The following ANO3 variants were observed in gnomAD, a reference collection of about 807,000 sequenced individuals.
The protein encoded by ANO3 is anoctamin 3.
A neutral mutation model predicts 144.8 loss-of-function variants in ANO3; 99 were observed. That is an observed-to-expected ratio of 0.68 (90% CI 0.58 to 0.81). The LOEUF (loss-of-function observed/expected upper bound fraction) is 0.81. ANO3 is among the 30% of genes least tolerant of loss of function. The pLI, the probability that ANO3 is intolerant of heterozygous loss-of-function variation, is 0.00. For synonymous variants in ANO3, 414 were observed against 392.6 expected (o/e 1.05, Z -0.64); for missense variants, 905 against 1,202.2 (o/e 0.75, Z 3.66).
At chr11:26,417,616 C>T (rs1284236206) in intron 1 of ANO3, among the ~76,000 whole-genome samples, 19 of 151,912 alleles carry the variant, frequency 1.3e-4, no homozygotes, top group Admixed American at 9.9e-4. Flanking sequence ...CTGTAGGTTA[C>T]TGGTTAGCTA....
chr11:26,281,484 T>C (rs544176868), intron 1 of ANO3, among the ~76,000 whole-genome samples: 2 of 152,150 alleles, frequency 1.3e-5, no homozygotes, highest in Non-Finnish European at 2.9e-5. Flanking sequence ...CTCAGATGAC[T>C]TGAGGGAGAG....
intron 13 of ANO3, among the ~76,000 whole-genome samples, chr11:26,556,275 T>C (rs899559848): frequency 6.6e-6 from 1 of 152,154 alleles, no homozygotes; most frequent in Non-Finnish European, 1.5e-5. Context: ...AGGTCCTAAA[T>C]TGTTTTTCAT....
Position 26,525,580 on chromosome 11 carries a change from C to T in ANO3, c.693-55C>T, listed in dbSNP as rs374952377. 100 of 1,397,242 alleles carry T rather than the reference C, an allele frequency of 7.2e-5. No individual in the cohort carries two copies. The African/African-American group carries it at 1.2e-3, about 17-fold the overall frequency. The allele number at this position is 1,397,242 out of a possible 1,614,324, so 86.6% of individuals were successfully genotyped here. A position where few individuals can be genotyped will look rare whatever the true frequency, so the allele number is the denominator to read the frequency against. ...ATATGATTGAATGTTGTCACTCACT[C>T]GTATCACTTTATTTTCCTGTGGCTT... On this transcript the variant is annotated intron_variant, in intron 6 of 26. Transcript: ENST00000256737.
intron 1 of ANO3, among the ~76,000 whole-genome samples, chr11:26,350,024 G>T (rs1331861595): frequency 2.0e-5 from 3 of 152,086 alleles, no homozygotes; most frequent in East Asian, 1.9e-4. Context: ...TGAAAGAGAC[G>T]GGAAAGGAGA....
chr11:26,210,577 A>G (rs1590195094), intron 1 of ANO3, among the ~76,000 whole-genome samples: 1 of 152,182 alleles, frequency 6.6e-6, no homozygotes, highest in African/African-American at 2.4e-5. Context: ...TTTGGGCAGT[A>G]TGGCCATTTT....
intron 21 of ANO3, among the ~76,000 whole-genome samples, chr11:26,641,345 C>T (rs1196656571): frequency 6.6e-6 from 1 of 152,176 alleles, no homozygotes; most frequent in Non-Finnish European, 1.5e-5. Flanking sequence ...ACGGCTAATG[C>T]ATTGCAGGAT....
intron 1 of ANO3, among the ~76,000 whole-genome samples, chr11:26,266,320 G>T (rs1213605600): frequency 2.0e-5 from 3 of 151,862 alleles, no homozygotes; most frequent in African/African-American, 7.3e-5. Context: ...TTCAATAATT[G>T]ACTTTAACAC....
chr11:26,647,542 G>A (rs1157332650), intron 23 of ANO3, among the ~76,000 whole-genome samples, 167 bp from the exon 24 acceptor site: 2 of 152,186 alleles, frequency 1.3e-5, no homozygotes, highest in South Asian at 2.1e-4. Context: ...TGGAAAAAGT[G>A]TATTCGATAG....
chr11:26,478,124 C>T (rs968562813), intron 4 of ANO3, among the ~76,000 whole-genome samples: 4 of 152,118 alleles, frequency 2.6e-5, no homozygotes, highest in Non-Finnish European at 2.9e-5. Context: ...TTGTATTTCT[C>T]GCCCCAGGGA....
At chr11:26,468,184 A>C (rs1590387250) in intron 4 of ANO3, among the ~76,000 whole-genome samples, 1 of 152,076 alleles carries the variant, frequency 6.6e-6, no homozygotes, top group East Asian at 1.9e-4. Context: ...GAATAAGCCT[A>C]CGGTAAAGAA....
intron 1 of ANO3, among the ~76,000 whole-genome samples, chr11:26,231,545 A>G (rs1303806135): frequency 6.6e-6 from 1 of 152,208 alleles, no homozygotes; most frequent in African/African-American, 2.4e-5. Flanking sequence ...ATTAATGCTC[A>G]AACTTAGATG....
At chr11:26,427,336 G>A (rs967253684) in intron 1 of ANO3, 1 of 152,764 alleles carries the variant, frequency 6.5e-6, no homozygotes, top group Non-Finnish European at 1.5e-5. Flanking sequence ...GACTCTGTTA[G>A]CTGTCTGAAT....
chr11:26,297,210 T>TGTGA (rs910364624), intron 1 of ANO3, among the ~76,000 whole-genome samples: 6 of 151,896 alleles, frequency 4.0e-5, no homozygotes, highest in Admixed American at 3.9e-4. Flanking sequence ...TGTGTGTGTG[T>TGTGA]GAATTTCTTT....
chr11:26,247,363 AC>A (rs1328707973), intron 1 of ANO3, among the ~76,000 whole-genome samples: 1 of 152,186 alleles, frequency 6.6e-6, no homozygotes, highest in Non-Finnish European at 1.5e-5. Context: ...TTTCAATGCC[AC>A]TTTTATCAGA....
At chr11:26,445,929 T>G (rs1809780) in intron 3 of ANO3, among the ~76,000 whole-genome samples, 132,603 of 151,738 alleles carry the variant, frequency 0.87, 58,503 homozygotes, top group East Asian at 1. Context: ...CCTGCCAGGT[T>G]CAAGCGATTC....
intron 3 of ANO3, among the ~76,000 whole-genome samples, chr11:26,450,610 T>G (rs929496206): frequency 1.3e-5 from 2 of 152,206 alleles, no homozygotes; most frequent in Non-Finnish European, 2.9e-5. Flanking sequence ...ACCAACCCTG[T>G]CACTTACTAC....
chr11:26,273,174 C>CT (rs1853480946), intron 1 of ANO3, among the ~76,000 whole-genome samples: 2 of 149,488 alleles, frequency 1.3e-5, no homozygotes, highest in South Asian at 2.1e-4. Context: ...TCCATCAATG[C>CT]TTTTTTCTTA....
chr11:26,658,027 C>CA (rs1853749611), intron 26 of ANO3, among the ~76,000 whole-genome samples: 1 of 151,944 alleles, frequency 6.6e-6, no homozygotes, highest in Non-Finnish European at 1.5e-5. Context: ...GTTCTTACCC[C>CA]AAAAAAATCT....
chr11:26,639,071 A>AT (rs1362310035), intron 20 of ANO3, 73 bp from the exon 21 acceptor site: 1 of 1,035,436 alleles, frequency 9.7e-7, no homozygotes, highest in Non-Finnish European at 1.5e-6. Context: ...TTGCTGTACA[A>AT]TTTAATGGTG....
Sources: allele counts gnomAD v4.1 joint callset (sites outside exome capture counted in the v4.1 genomes callset), GRCh38; gene constraint gnomAD v4.1.1; transcripts MANE v1.5; gene names NCBI Gene and HGNC (gene_info 2026-07-23, HGNC 2026-07-21).